Variants in SEPTIN6 observed in about 807,000 individuals in gnomAD.
SEPTIN6 encodes the protein septin-6.
In SEPTIN6, 8 loss-of-function variants were observed where a neutral mutation model predicts 33.6. The ratio of observed to expected loss-of-function variants is 0.24; its 90% CI spans 0.14 to 0.43. The LOEUF (loss-of-function observed/expected upper bound fraction) is 0.43, where lower values mean the gene tolerates loss of function less well. SEPTIN6 is among the 20% of genes least tolerant of loss of function. The probability of loss-of-function intolerance (pLI) is 1.00; values close to 1 mark genes in which losing one functional copy is unlikely to be tolerated. For synonymous variants in SEPTIN6, 131 were observed against 140.0 expected (o/e 0.94, Z 0.45); for missense variants, 250 against 340.8 (o/e 0.73, Z 2.10).
intron 1 of SEPTIN6, among the ~76,000 whole-genome samples, chrX:119,687,791 GC>G (rs1406088466): frequency 1.8e-5 from 2 of 112,260 alleles, no homozygotes; most frequent in Non-Finnish European, 1.9e-5. Flanking sequence ...TGGTAACAAA[GC>G]CAGCAATTAA....
In SEPTIN6 at chrX:119,617,444, G is replaced by A; in HGVS notation, c.*2649C>T. On this transcript the variant is annotated 3_prime_UTR_variant, in exon 11 of 11. Coordinates refer to ENST00000394610, the MANE Select transcript of SEPTIN6 (RefSeq NM_145799.4). The stretch of plus-strand genomic sequence containing the variant: ...ATTATAAGGGTCACCTAGGGCACCT[G>A]TTACACACAGTCTCCTGGACCCCGT... 7 of 803,740 alleles carry A rather than the reference G, an allele frequency of 8.7e-6. No individual in the cohort carries two copies. The highest frequency in any genetic ancestry group is 1.0e-5 in the Non-Finnish European group (7 of 669,761). The allele number at this position is 803,740 out of a possible 1,213,427, so 66.2% of individuals were successfully genotyped here. A position where few individuals can be genotyped will look rare whatever the true frequency, so the allele number is the denominator to read the frequency against.
chrX:119,671,290 GT>G (rs149958364), intron 2 of SEPTIN6, among the ~76,000 whole-genome samples: 117 of 98,247 alleles, frequency 1.2e-3, no homozygotes, highest in Admixed American at 2.2e-3. Context: ...TACACAATAA[GT>G]TTTTTTTTTT....
chrX:119,659,914 C>G (rs1482535913), intron 3 of SEPTIN6, among the ~76,000 whole-genome samples: 2 of 111,922 alleles, frequency 1.8e-5, no homozygotes, highest in Admixed American at 9.5e-5. Context: ...ACTCTGTTGT[C>G]TAGGCTGGAG....
intron 3 of SEPTIN6, among the ~76,000 whole-genome samples, chrX:119,657,933 G>A (rs944731443): frequency 1.3e-4 from 14 of 111,579 alleles, no homozygotes; most frequent in Non-Finnish European, 2.3e-4. Flanking sequence ...AGACCATCCT[G>A]GCTAACACGG....
At chrX:119,687,563 T>TG (rs2055080962) in intron 1 of SEPTIN6, among the ~76,000 whole-genome samples, 1 of 111,675 alleles carries the variant, frequency 9.0e-6, no homozygotes, top group Admixed American at 9.6e-5. Flanking sequence ...CTGTCTTGAA[T>TG]GTAGTTTTAA....
chrX:119,668,091 T>C (rs1320644866), intron 2 of SEPTIN6, among the ~76,000 whole-genome samples: 3 of 108,577 alleles, frequency 2.8e-5, no homozygotes, highest in Non-Finnish European at 3.8e-5. Flanking sequence ...AGGTCAGGAG[T>C]TGGAGACCAG....
chrX:119,663,585 G>A lies in SEPTIN6; in HGVS notation c.238C>T (p.Gln80Ter). 1 of 1,210,158 alleles carries A rather than the reference G, an allele frequency of 8.3e-7. No homozygotes were observed. Residue 80 changes from glutamine to a stop codon, truncating the protein, a stop_gained, in exon 3 of 11, where the codon CAG becomes TAG. Transcript: ENST00000394610. LOFTEE classifies it high-confidence loss of function. The part of the protein sequence containing the change: ...EPATHTQPGV[Q>*]LQSNTYDLQE... ...AGGTCATAGGTATTAGACTGGAGCT[G>A]GACACCCGGCTGTGTGTGGGTGGCT... is the stretch of plus-strand genomic sequence containing the variant.
At chrX:119,663,764 C>A in intron 2 of SEPTIN6, 87 bp from the exon 3 acceptor site, 1 of 739,967 alleles carries the variant, frequency 1.4e-6, no homozygotes, top group Non-Finnish European at 2.0e-6. Context: ...CATTTGTTGA[C>A]ACGGGAAAAT....
rs1030463511 is a variant in SEPTIN6 at position 119,617,050 on chromosome X, G to A, written c.*3043C>T. ...AAAAACAAGAGCCATCTACACTGCA[G>A]CTAGGGAAAGCAAACTTCTTGGCTT... On this transcript the variant is annotated 3_prime_UTR_variant, in exon 11 of 11. Transcript: ENST00000394610. 6.4e-6 allele frequency: 6 copies of A among 936,579 alleles called. No individual in the cohort carries two copies. In the African/African-American group the frequency reaches 1.2e-4, roughly 19 times the overall value. 77.2% of individuals were successfully genotyped at this position (936,579 alleles called of 1,213,427 possible). A position where few individuals can be genotyped will look rare whatever the true frequency, so the allele number is the denominator to read the frequency against.
At position 119,687,373 on chromosome X, in the gene SEPTIN6, C is replaced by T. The variant is rs367695141; in HGVS notation, c.30+5703G>A. ...TCACGCCATTCTCCTGTTTCAGCCTCCAGAGTAGCTGGGACTACAGGCACC... is the reference window on the plus strand; with the variant it reads ...TCACGCCATTCTCCTGTTTCAGCCTTCAGAGTAGCTGGGACTACAGGCACC... On this transcript the variant is annotated intron_variant, in intron 1 of 10. Coordinates refer to ENST00000394610, the MANE Select transcript of SEPTIN6 (RefSeq NM_145799.4). Among the ~76,000 whole-genome samples the T allele has an allele frequency of 1.3e-4, 14 of 109,370 alleles. 1 individual carries two copies. The South Asian group carries it at 5.6e-3, about 44-fold the overall frequency. 95.0% of individuals were successfully genotyped at this position (109,370 alleles called of 115,157 possible).
At chrX:119,687,542 C>T (rs2055080891) in intron 1 of SEPTIN6, among the ~76,000 whole-genome samples, 1 of 111,733 alleles carries the variant, frequency 8.9e-6, no homozygotes, top group African/African-American at 3.3e-5. Flanking sequence ...AGCCACCGCA[C>T]CTGGCCTCAT....
At chrX:119,672,909 G>A (rs192123078) in intron 2 of SEPTIN6, among the ~76,000 whole-genome samples, 1 of 112,041 alleles carries the variant, frequency 8.9e-6, no homozygotes, top group Admixed American at 9.5e-5. Flanking sequence ...ATTCTGTGAA[G>A]CACATATTTT....
rs746839363 is a variant in SEPTIN6, at chrX:119,647,402, CCCTT to C, written c.690+2531_690+2534del. Among the ~76,000 whole-genome samples the C allele has an allele frequency of 1.8e-4, 18 of 102,418 alleles. No homozygotes were observed. The East Asian group carries it at 3.7e-3, about 21-fold the overall frequency. The allele number at this position is 102,418 out of a possible 115,157, so 88.9% of individuals were successfully genotyped here. On this transcript the variant is annotated intron_variant, in intron 5 of 10. Coordinates refer to ENST00000394610, the MANE Select transcript of SEPTIN6 (RefSeq NM_145799.4). ...CACTGGAATTCCCTCCCTCCCTCCT[CCCTT>C]CCTTCCTTCCTTTTTATTTCTTTCT... is the stretch of plus-strand genomic sequence containing the variant.
intron 1 of SEPTIN6, 100 bp from the exon 2 acceptor site, chrX:119,675,768 C>T (rs1339448645): frequency 4.9e-6 from 2 of 409,975 alleles, no homozygotes; most frequent in Non-Finnish European, 7.9e-6. Flanking sequence ...AAGTCACACC[C>T]GCCCAGGCCC....
At chrX:119,686,127 T>C (rs1325904921) in intron 1 of SEPTIN6, among the ~76,000 whole-genome samples, 1 of 111,759 alleles carries the variant, frequency 8.9e-6, no homozygotes, top group African/African-American at 3.3e-5. Context: ...ACCTCCAATC[T>C]GCTAAAAAAG....
rs376325287 is a variant in SEPTIN6 at position 119,633,299 on chromosome X, C to T, written c.1089+61G>A. On this transcript the variant is annotated intron_variant, in intron 8 of 10. Transcript: ENST00000394610. Reference sequence around the variant, plus strand: ...CAGTGTAAAAGCGTTCCTATTTTTCCACAGTCTCACCAGCAGCTGTTGTTT... The same window carrying T: ...CAGTGTAAAAGCGTTCCTATTTTTCTACAGTCTCACCAGCAGCTGTTGTTT... 52 of 1,084,468 alleles carry T rather than the reference C, an allele frequency of 4.8e-5. 1 individual carries two copies. In the East Asian group the frequency reaches 1.4e-3, roughly 29 times the overall value. 89.4% of individuals were successfully genotyped at this position (1,084,468 alleles called of 1,213,427 possible).
At chrX:119,679,725 G>A (rs2054915807) in intron 1 of SEPTIN6, among the ~76,000 whole-genome samples, 1 of 111,429 alleles carries the variant, frequency 9.0e-6, no homozygotes, top group Non-Finnish European at 1.9e-5. Context: ...GGGCGTGGTG[G>A]CGGGAGCCTG....
intron 8 of SEPTIN6, 37 bp from the exon 9 acceptor site, chrX:119,629,545 C>A (rs1473344568): frequency 8.5e-7 from 1 of 1,171,671 alleles, no homozygotes; most frequent in Non-Finnish European, 1.2e-6. Flanking sequence ...AGAGAATCCC[C>A]TGTGAGCAGT....
intron 1 of SEPTIN6, among the ~76,000 whole-genome samples, chrX:119,687,033 A>C (rs2055067514): frequency 9.0e-6 from 1 of 110,839 alleles, no homozygotes; most frequent in Non-Finnish European, 1.9e-5. Flanking sequence ...CGTATCACCC[A>C]CTGACCAGCA....
Sources: gnomAD v4.1 joint callset for allele counts (sites outside exome capture counted in the v4.1 genomes callset) on GRCh38, gnomAD v4.1.1 for gene constraint, MANE v1.5 for transcripts, NCBI Gene and HGNC (gene_info 2026-07-23, HGNC 2026-07-21) for gene names.